Variants in GRHL1 observed in about 807,000 individuals in gnomAD.
The protein encoded by GRHL1 is grainyhead like transcription factor 1.
GRHL1 carries 38 observed loss-of-function variants against 75.7 expected under a neutral mutation model. The ratio of observed to expected loss-of-function variants is 0.50; its 90% CI spans 0.39 to 0.66. GRHL1 has a LOEUF of 0.66. Ranked by LOEUF, GRHL1 falls within the 30% of genes least tolerant of loss-of-function variation. The pLI, the probability that GRHL1 is intolerant of heterozygous loss-of-function variation, is 0.00. For synonymous variants in GRHL1, 266 were observed against 279.4 expected (o/e 0.95, Z 0.48); for missense variants, 589 against 767.5 (o/e 0.77, Z 2.75).
Position 10,002,083 on chromosome 2 carries a change from A to C in GRHL1, c.*1376A>C, listed in dbSNP as rs1669290162. The C allele has an allele frequency of 6.6e-6, 1 of 152,666 alleles. No individual in the cohort carries two copies. Among genetic ancestry groups the C allele is most frequent in the African/African-American group, 2.4e-5 (1 of 41,464 alleles). 9.5% of individuals were successfully genotyped at this position (152,666 alleles called of 1,614,324 possible). A position where few individuals can be genotyped will look rare whatever the true frequency, so the allele number is the denominator to read the frequency against. The stretch of plus-strand genomic sequence containing the variant: ...CATTCGTGTAAATGGACTGGTAGTT[A>C]CAGTCTTAGGTTAAAGTATTCTAAT... On this transcript the variant is annotated 3_prime_UTR_variant, in exon 16 of 16. Coordinates refer to ENST00000324907, the MANE Select transcript of GRHL1 (RefSeq NM_198182.3).
chr2:9,987,893 C>T lies in GRHL1; in HGVS notation c.1269+1611C>T, dbSNP rs937090774. 7.2e-5 allele frequency among the ~76,000 whole-genome samples: 11 copies of T among 152,040 alleles called. No homozygotes were observed. The highest frequency in any genetic ancestry group is 1.2e-4 in the Non-Finnish European group (8 of 68,008). ...ACCTATTTTTGGCAGGGGACGGGGG[C>T]AGTTCTTTTCATCCTATTAAGGGAG... On this transcript the variant is annotated intron_variant, in intron 9 of 15. Transcript: ENST00000324907. This position sits in a 1 kb window ranked among gnomAD's most constrained non-coding sequence, Gnocchi z 4.2.
intron 8 of GRHL1, among the ~76,000 whole-genome samples, chr2:9,969,176 G>A (rs931761617): frequency 1.3e-5 from 2 of 152,218 alleles, no homozygotes; most frequent in Non-Finnish European, 1.5e-5. Context: ...GTGATAAGAA[G>A]CAAGGGCCTC....
chr2:9,969,167 T>G (rs1359989715), intron 8 of GRHL1, among the ~76,000 whole-genome samples: 1 of 152,146 alleles, frequency 6.6e-6, no homozygotes, highest in Non-Finnish European at 1.5e-5. Context: ...ATTTGCTGAG[T>G]GATAAGAAGC....
chr2:9,958,672 C>G, intron 2 of GRHL1, 114 bp from the exon 3 acceptor site: 1 of 746,292 alleles, frequency 1.3e-6, no homozygotes, highest in Non-Finnish European at 2.3e-6. Context: ...GTTTGCTAGG[C>G]AACCAGTAGA....
chr2:9,969,731 G>T (rs11886114), intron 8 of GRHL1, among the ~76,000 whole-genome samples: 4 of 151,976 alleles, frequency 2.6e-5, no homozygotes, highest in Non-Finnish European at 4.4e-5. Context: ...ACACCTTTGA[G>T]AGAGTCAGCT....
chr2:9,978,860 G>A (rs552251328), intron 8 of GRHL1, among the ~76,000 whole-genome samples: 27 of 152,068 alleles, frequency 1.8e-4, no homozygotes, highest in South Asian at 1.5e-3. Flanking sequence ...GTGTGGTGAC[G>A]GGCACCTGTA....
chr2:9,951,846 TACG>T lies in GRHL1; in HGVS notation c.16_18del (p.Asp6del), dbSNP rs774861200. 34 of 1,510,396 alleles carry T rather than the reference TACG, an allele frequency of 2.3e-5. No individual in the cohort carries two copies. In the African/African-American group the frequency reaches 3.2e-4, roughly 14 times the overall value. 93.6% of individuals were successfully genotyped at this position (1,510,396 alleles called of 1,614,324 possible). On this transcript the variant is annotated inframe_deletion, in exon 1 of 16. Transcript: ENST00000324907. The surrounding 1 kb of genome is among the most constrained non-coding windows in gnomAD (Gnocchi z 4.2). ...GCGAGCGGGCGCGATGACACAGGAG[TACG>T]ACAAGTGAGTGAGGCGCAGGAGTCC... is the stretch of plus-strand genomic sequence containing the variant.
At chr2:9,965,673 T>G (rs1194203510) in intron 8 of GRHL1, 1 of 389,028 alleles carries the variant, frequency 2.6e-6, no homozygotes, top group Admixed American at 4.1e-5. Context: ...ATTTCCTCAT[T>G]TGCACAGTGG....
chr2:9,973,426 A>G (rs1667817813), intron 8 of GRHL1, among the ~76,000 whole-genome samples: 2 of 152,196 alleles, frequency 1.3e-5, no homozygotes, highest in Admixed American at 6.5e-5. Context: ...TGGGGAAGGA[A>G]TGCTATGATG....
At chr2:9,966,024 T>G (rs1572346294) in intron 8 of GRHL1, 1 of 152,236 alleles carries the variant, frequency 6.6e-6, no homozygotes, top group Non-Finnish European at 1.5e-5. Context: ...TCCCTGTGAG[T>G]GTGATCCTTC....
chr2:9,988,169 A>G (rs1668501699), intron 9 of GRHL1, among the ~76,000 whole-genome samples: 1 of 151,992 alleles, frequency 6.6e-6, no homozygotes, highest in African/African-American at 2.4e-5. Context: ...TTTTGTCCTG[A>G]AATCTGGTTA....
At position 9,951,741 on chromosome 2, in the gene GRHL1, GC is replaced by G; in HGVS notation, c.-92del. ...CCGTCGGGGCCGCCGCTCCGGACCC[GC>G]AGCCGCCGCCGCCGCCTCCTCCCCC... On this transcript the variant is annotated 5_prime_UTR_variant, in exon 1 of 16. Transcript: ENST00000324907. This position sits in a 1 kb window ranked among gnomAD's most constrained non-coding sequence, Gnocchi z 4.2. The G allele has an allele frequency of 8.1e-7, 1 of 1,232,486 alleles. No individual in the cohort carries two copies. The highest frequency in any genetic ancestry group is 1.4e-5 in the South Asian group (1 of 73,486). The allele number at this position is 1,232,486 out of a possible 1,614,324, so 76.3% of individuals were successfully genotyped here. A position where few individuals can be genotyped will look rare whatever the true frequency, so the allele number is the denominator to read the frequency against.
At chr2:9,977,371 A>G (rs1353343671) in intron 8 of GRHL1, among the ~76,000 whole-genome samples, 2 of 152,198 alleles carry the variant, frequency 1.3e-5, no homozygotes, top group African/African-American at 4.8e-5. Context: ...CTCAGGCTGG[A>G]GTGCAGTGGC....
At chr2:9,976,116 G>A (rs578162698) in intron 8 of GRHL1, among the ~76,000 whole-genome samples, 7 of 152,280 alleles carry the variant, frequency 4.6e-5, no homozygotes, top group African/African-American at 1.2e-4. Context: ...TCCAGGAAAC[G>A]TGTATTTCTT....
At chr2:9,976,342 C>G (rs1667946857) in intron 8 of GRHL1, among the ~76,000 whole-genome samples, 1 of 152,058 alleles carries the variant, frequency 6.6e-6, no homozygotes, top group Non-Finnish European at 1.5e-5. Flanking sequence ...TAGTGGGAAC[C>G]AGGCTGGCAT....
At chr2:9,972,322 C>T (rs1417738141) in intron 8 of GRHL1, among the ~76,000 whole-genome samples, 1 of 151,748 alleles carries the variant, frequency 6.6e-6, no homozygotes, top group Non-Finnish European at 1.5e-5. Flanking sequence ...TAGGTCCTTC[C>T]TGGAAATTCT....
Position 9,951,806 on chromosome 2 carries a change from T to C in GRHL1, c.-28T>C. ...CTGTCCCAACCCGAAAGTCCAGTTC[T>C]GCGGCCCGGCAGCGGCGAGCGGGCG... On this transcript the variant is annotated 5_prime_UTR_variant, in exon 1 of 16. Transcript: ENST00000324907. The surrounding 1 kb of genome is among the most constrained non-coding windows in gnomAD (Gnocchi z 4.2). 1 of 1,527,422 alleles carries C rather than the reference T, an allele frequency of 6.5e-7. No individual in the cohort carries two copies. The highest frequency in any genetic ancestry group is 8.8e-7 in the Non-Finnish European group (1 of 1,136,068). 94.6% of individuals were successfully genotyped at this position (1,527,422 alleles called of 1,614,324 possible).
intron 1 of GRHL1, 177 bp from the exon 2 acceptor site, chr2:9,954,738 G>C (rs1666937980): frequency 1.5e-6 from 1 of 661,242 alleles, no homozygotes; most frequent in African/African-American, 1.8e-5. Context: ...ATGTCTTACT[G>C]TGGGACCCAT....
rs1034915620 is a variant in GRHL1, at chr2:9,968,130, GTT to G, written c.1110+2751_1110+2752del. On this transcript the variant is annotated intron_variant, in intron 8 of 15. Coordinates refer to ENST00000324907, the MANE Select transcript of GRHL1 (RefSeq NM_198182.3). The surrounding 1 kb of genome is among the most constrained non-coding windows in gnomAD (Gnocchi z 4.7). Reference sequence around the variant, plus strand: ...GCTTCTCCGTTTGGAAATGATGATAGTTTGAGGATGTTTTGGGTTGAATTGTG... The same window carrying G: ...GCTTCTCCGTTTGGAAATGATGATAGTGAGGATGTTTTGGGTTGAATTGTG... Among the ~76,000 whole-genome samples the G allele has an allele frequency of 3.1e-4, 47 of 152,278 alleles. No individual in the cohort carries two copies. Among genetic ancestry groups the G allele is most frequent in the African/African-American group, 1.0e-3 (42 of 41,546 alleles).
Sources: gnomAD v4.1 joint callset for allele counts (sites outside exome capture counted in the v4.1 genomes callset) on GRCh38, gnomAD v4.1.1 for gene constraint, Gnocchi (gnomAD v3.1) non-coding constraint, MANE v1.5 for transcripts, NCBI Gene and HGNC (gene_info 2026-07-23, HGNC 2026-07-21) for gene names.